The following PDE4DIP variants were observed in gnomAD, a reference collection of about 807,000 sequenced individuals.
The protein encoded by PDE4DIP is myomegalin.
A neutral mutation model predicts 221.4 loss-of-function variants in PDE4DIP; 59 were observed. That is an observed-to-expected ratio of 0.27 (90% CI 0.22 to 0.33). The LOEUF (loss-of-function observed/expected upper bound fraction) is 0.33, where lower values mean the gene tolerates loss of function less well. Among genes scored for constraint, PDE4DIP ranks in the 10% least tolerant of loss-of-function variants. PDE4DIP has a pLI of 1.00. For synonymous variants in PDE4DIP, 404 were observed against 815.9 expected (o/e 0.50, Z 8.60); for missense variants, 1,036 against 2,154.2 (o/e 0.48, Z 10.28).
exon 44 of PDE4DIP, chr1:149,032,194 G>A (rs1055317): frequency 0.058 from 53,144 of 914,580 alleles, 5,597 homozygotes; most frequent in East Asian, 0.48. Flanking sequence ...CCTTTCTGAC[G>A]GCTATGGAAT....
intron 1 of PDE4DIP, among the ~76,000 whole-genome samples, chr1:148,905,222 C>G (rs1402954241): frequency 2.4e-5 from 3 of 127,436 alleles, no homozygotes; most frequent in Non-Finnish European, 1.6e-5. Context: ...CTTGCTCTGT[C>G]GCCTAGGCTG....
intron 17 of PDE4DIP, among the ~76,000 whole-genome samples, chr1:148,975,106 G>A (rs782714508): frequency 6.8e-6 from 1 of 146,368 alleles, no homozygotes; most frequent in East Asian, 2.7e-4. Context: ...GGGAGGCAGA[G>A]GTTGCAGTGA....
intron 1 of PDE4DIP, among the ~76,000 whole-genome samples, chr1:148,829,017 AACACAC>A (rs5777522): frequency 4.9e-5 from 7 of 143,448 alleles, no homozygotes; most frequent in African/African-American, 5.1e-5. Flanking sequence ...TTCCTGCATA[AACACAC>A]ACACACACAC....
exon 27 of PDE4DIP, chr1:149,005,059 G>A (rs782794411): frequency 1.2e-6 from 2 of 1,612,444 alleles, no homozygotes; most frequent in South Asian, 1.1e-5. Context: ...CGGGTATATG[G>A]AAAGTCAGAA....
intron 3 of PDE4DIP, among the ~76,000 whole-genome samples, chr1:148,881,939 TA>T (rs1693859433): frequency 6.4e-5 from 7 of 110,044 alleles, no homozygotes; most frequent in Non-Finnish European, 1.3e-4. Context: ...CACATGGAAG[TA>T]CTTTGTACAT....
chr1:149,020,670 C>T (rs1407382068), intron 36 of PDE4DIP: 10 of 363,252 alleles, frequency 2.8e-5, no homozygotes, highest in Non-Finnish European at 4.5e-5. Flanking sequence ...ACCTAGGAAG[C>T]TTCTATACTG....
chr1:148,846,380 T>G, intron 1 of PDE4DIP, among the ~76,000 whole-genome samples: 1 of 58,384 alleles, frequency 1.7e-5, no homozygotes. Context: ...GGAGGAGAAG[T>G]TTGTGGTGAG....
chr1:149,018,247 C>T, intron 34 of PDE4DIP: 1 of 428,894 alleles, frequency 2.3e-6, no homozygotes, highest in East Asian at 4.1e-5. Flanking sequence ...TTCCAAGCTG[C>T]TGTCATGTGG....
chr1:148,911,857 C>T (rs1215275506), intron 1 of PDE4DIP, among the ~76,000 whole-genome samples: 1 of 149,694 alleles, frequency 6.7e-6, no homozygotes, highest in East Asian at 1.9e-4. Flanking sequence ...GAGCTTTCCC[C>T]ATATGGCCAC....
At chr1:148,999,728 A>G (rs2065168108) in intron 23 of PDE4DIP, among the ~76,000 whole-genome samples, 1 of 151,890 alleles carries the variant, frequency 6.6e-6, no homozygotes, top group African/African-American at 2.4e-5. Flanking sequence ...CTATTGTTGA[A>G]CCTACAATCA....
At chr1:148,964,257 C>T (rs1229269225) in intron 9 of PDE4DIP, among the ~76,000 whole-genome samples, 6 of 151,834 alleles carry the variant, frequency 4.0e-5, no homozygotes, top group African/African-American at 7.3e-5. Flanking sequence ...TACAGGCATG[C>T]GCCACCACGC....
intron 5 of PDE4DIP, chr1:148,953,105 A>C (rs1558952743): frequency 3.7e-6 from 6 of 1,614,058 alleles, no homozygotes; most frequent in Non-Finnish European, 4.2e-6. Context: ...CGCGGAGATC[A>C]AGGCGGGGAA....
At chr1:148,999,416 C>A (rs1214877904) in intron 23 of PDE4DIP, among the ~76,000 whole-genome samples, 2 of 152,218 alleles carry the variant, frequency 1.3e-5, no homozygotes, top group African/African-American at 4.8e-5. Context: ...CATCTAGCCT[C>A]ATGTCGTTGT....
chr1:149,014,972 T>C, intron 32 of PDE4DIP, among the ~76,000 whole-genome samples: 1 of 151,784 alleles, frequency 6.6e-6, no homozygotes, highest in East Asian at 1.9e-4. Flanking sequence ...GATTTCTCCC[T>C]TTGCCTTGTG....
At chr1:148,930,674 A>G (rs2047776983) in intron 2 of PDE4DIP, 1 of 151,668 alleles carries the variant, frequency 6.6e-6, no homozygotes, top group South Asian at 2.1e-4. Context: ...AAGGAGAACT[A>G]TGAAACACTG....
intron 5 of PDE4DIP, chr1:148,953,571 G>A (rs1338102497): frequency 6.2e-7 from 1 of 1,613,680 alleles, no homozygotes; most frequent in Non-Finnish European, 8.5e-7. Flanking sequence ...ACTGAGAGAA[G>A]TGCAAAGGAA....
At chr1:149,015,920 C>G (rs1553610194) in intron 32 of PDE4DIP, among the ~76,000 whole-genome samples, 1 of 150,528 alleles carries the variant, frequency 6.6e-6, no homozygotes, top group African/African-American at 2.4e-5. Context: ...CACAGGTAAG[C>G]TCAATCCTGC....
chr1:148,820,714 T>A (rs7537626), intron 1 of PDE4DIP, among the ~76,000 whole-genome samples: 2 of 139,880 alleles, frequency 1.4e-5, no homozygotes, highest in Non-Finnish European at 1.5e-5. Context: ...ACTTTTTTTT[T>A]GGGGGGGGGG....
Position 149,024,811 on chromosome 1 carries a change from G to C in PDE4DIP, c.6325+127G>C, listed in dbSNP as rs375943142. 2.4e-4 allele frequency: 156 copies of C among 650,356 alleles called. 3 individuals are homozygous for C. The African/African-American group carries it at 2.6e-3, about 11-fold the overall frequency. 40.3% of individuals were successfully genotyped at this position (650,356 alleles called of 1,614,324 possible). On this transcript the variant is annotated intron_variant, in intron 38 of 43. Transcript: ENST00000369354. ...TCAGGTTGAAATCAGAGATGCTCTA[G>C]TCTAGCAACCTGAGTGAAAGCGTGG...
Sources: allele counts gnomAD v4.1 joint callset (sites outside exome capture counted in the v4.1 genomes callset), GRCh38; gene constraint gnomAD v4.1.1; transcripts MANE v1.5; gene names NCBI Gene and HGNC (gene_info 2026-07-23, HGNC 2026-07-21).